TYR: variants seen among roughly 807,000 people sequenced by gnomAD.
The protein encoded by TYR is LB24-AB.
Under a neutral mutation model 51.5 loss-of-function variants are expected in TYR, and 58 were observed. The ratio of observed to expected loss-of-function variants is 1.13; its 90% confidence interval spans 0.91 to 1.40. TYR has a LOEUF of 1.40. Ranked by LOEUF, TYR falls within the 40% of genes most tolerant of loss-of-function variation. The pLI is 0.00. For missense variants in TYR, 732 were observed against 647.4 expected, an observed-to-expected ratio of 1.13 and a Z score of -1.42; for synonymous variants, 263 against 235.2, an observed-to-expected ratio of 1.12 and a Z score of -1.08.
chr11:89,240,114 T>C (rs892413301), intron 3 of TYR, among the ~76,000 whole-genome samples: 8 of 152,090 alleles, frequency 5.3e-5, no homozygotes, highest in Admixed American at 5.3e-4. Flanking sequence ...AGGGAGAGCA[T>C]CAGGATGAAT....
chr11:89,199,455 G>C (rs1399669799), intron 2 of TYR, among the ~76,000 whole-genome samples: 3 of 152,152 alleles, frequency 2.0e-5, no homozygotes, highest in Non-Finnish European at 4.4e-5. Context: ...CTTATGGCAA[G>C]TACTGTCTTA....
chr11:89,277,265 T>C (rs1944666414), intron 3 of TYR, among the ~76,000 whole-genome samples: 1 of 151,730 alleles, frequency 6.6e-6, no homozygotes, highest in Non-Finnish European at 1.5e-5. Flanking sequence ...AAAAAAAATT[T>C]AGGAATGCAC....
intron 4 of TYR, among the ~76,000 whole-genome samples, chr11:89,288,114 A>G (rs2135326727): frequency 6.6e-6 from 1 of 152,022 alleles, no homozygotes; most frequent in South Asian, 2.1e-4. Flanking sequence ...GGCAAGGTGA[A>G]TGTCTCTTGA....
At chr11:89,209,016 G>A (rs1269495613) in intron 2 of TYR, among the ~76,000 whole-genome samples, 1 of 152,150 alleles carries the variant, frequency 6.6e-6, no homozygotes, top group African/African-American at 2.4e-5. Context: ...ATCTCCCAGG[G>A]AGATCAATGC....
chr11:89,292,011 C>T (rs1330575577), intron 4 of TYR, among the ~76,000 whole-genome samples: 1 of 151,836 alleles, frequency 6.6e-6, no homozygotes, highest in Non-Finnish European at 1.5e-5. Context: ...GTTTGTTTTC[C>T]TGCATTACTT....
intron 1 of TYR, among the ~76,000 whole-genome samples, chr11:89,187,503 T>C (rs566292321): frequency 1.3e-5 from 2 of 152,132 alleles, no homozygotes; most frequent in Non-Finnish European, 1.5e-5. Flanking sequence ...AACAAACTCA[T>C]TGGCCAAGAG....
chr11:89,217,665 G>T (rs77739878), intron 2 of TYR, among the ~76,000 whole-genome samples: 1 of 152,140 alleles, frequency 6.6e-6, no homozygotes, highest in Non-Finnish European at 1.5e-5. Context: ...GAGTCTCTTC[G>T]TTGTTTTATT....
intron 1 of TYR, among the ~76,000 whole-genome samples, chr11:89,180,596 A>T (rs1030607849): frequency 6.6e-6 from 1 of 152,198 alleles, no homozygotes; most frequent in African/African-American, 2.4e-5. Flanking sequence ...CTGAACTGAA[A>T]TTGATACAAT....
In TYR at chr11:89,194,233, T is replaced by A. The variant is rs566629291; in HGVS notation, c.1036+2815T>A. On this transcript the variant is annotated intron_variant, in intron 2 of 4. Coordinates refer to ENST00000263321, the MANE Select transcript of TYR (RefSeq NM_000372.5). ...CTCTGGAGGATATAGTTCCTCCTCT[T>A]CCTCCTCATTTTTTTAATAGAACAT... is the stretch of plus-strand genomic sequence containing the variant. 5.9e-5 allele frequency among the ~76,000 whole-genome samples: 9 copies of A among 152,256 alleles called. No homozygotes were observed. The South Asian group carries it at 1.9e-3, about 32-fold the overall frequency.
rs146215858 is a variant in TYR, at chr11:89,200,687, T to A, written c.1036+9269T>A. ...TACTAAGTGGAATGAGATTACTTTA[T>A]ATTTTTTAAAAACACACTACATCTG... is the stretch of plus-strand genomic sequence containing the variant. On this transcript the variant is annotated intron_variant, in intron 2 of 4. Transcript: ENST00000263321. The A allele has an allele frequency of 2.4e-3, 371 of 152,270 alleles. 3 individuals are homozygous for A. Among genetic ancestry groups the A allele is most frequent in the African/African-American group, 8.4e-3 (349 of 41,580 alleles). The allele number at this position is 152,270 out of a possible 1,614,324, so 9.4% of individuals were successfully genotyped here.
At chr11:89,253,717 GC>G (rs1944356918) in intron 3 of TYR, among the ~76,000 whole-genome samples, 1 of 151,704 alleles carries the variant, frequency 6.6e-6, no homozygotes, top group Admixed American at 6.6e-5. Flanking sequence ...AATTCTAGGA[GC>G]TTTTTGGAAG....
In TYR at chr11:89,262,112, G is replaced by T. The variant is rs528167072; in HGVS notation, c.1185-22661G>T. ...TCACTCTTGTTGTCCAGGCTGGAGT[G>T]CAACGGCACCATCTCAGCTTATTGC... On this transcript the variant is annotated intron_variant, in intron 3 of 4. Coordinates refer to ENST00000263321, the MANE Select transcript of TYR (RefSeq NM_000372.5). Among the ~76,000 whole-genome samples, 98 of 152,106 alleles carry T rather than the reference G, an allele frequency of 6.4e-4. 2 individuals are homozygous for T. The highest frequency in any genetic ancestry group is 2.3e-3 in the African/African-American group (96 of 41,516).
chr11:89,225,997 A>C (rs1488185344), intron 2 of TYR, among the ~76,000 whole-genome samples: 1 of 152,048 alleles, frequency 6.6e-6, no homozygotes, highest in Non-Finnish European at 1.5e-5. Flanking sequence ...ATACCAATGA[A>C]AAATATAAAA....
intron 4 of TYR, among the ~76,000 whole-genome samples, chr11:89,290,573 AT>A (rs1399187147): frequency 6.6e-6 from 1 of 152,090 alleles, no homozygotes. Flanking sequence ...ATTTTAATAT[AT>A]ATTAAAAACA....
At chr11:89,260,894 G>A (rs1275454806) in intron 3 of TYR, among the ~76,000 whole-genome samples, 2 of 151,810 alleles carry the variant, frequency 1.3e-5, no homozygotes, top group East Asian at 1.9e-4. Context: ...GGAGGTGAGT[G>A]GTGAAGTGAG....
Position 89,191,264 on chromosome 11 carries a change from G to A in TYR, c.882G>A (p.Glu294=). 1 of 1,613,580 alleles carries A rather than the reference G, an allele frequency of 6.2e-7. No homozygotes were observed. Among genetic ancestry groups the A allele is most frequent in the Non-Finnish European group, 8.5e-7 (1 of 1,179,760 alleles). Reference sequence around the variant, plus strand: ...AGTCTTTATGCAATGGAACGCCCGAGGGACCTTTACGGCGTAATCCTGGAA... The same window carrying A: ...AGTCTTTATGCAATGGAACGCCCGAAGGACCTTTACGGCGTAATCCTGGAA... ...SHQSLCNGTP[E]GPLRRNPGNH... The change falls in exon 2 of 5, where the codon GAG becomes GAA. Residue 294 remains glutamate, a synonymous_variant. Transcript: ENST00000263321.
intron 3 of TYR, among the ~76,000 whole-genome samples, chr11:89,246,072 G>C (rs1017334426): frequency 1.4e-4 from 22 of 152,234 alleles, no homozygotes; most frequent in African/African-American, 5.3e-4. Flanking sequence ...CTCCGATGTG[G>C]CTGGGGCTCA....
At chr11:89,189,391 G>A (rs145186571) in intron 1 of TYR, among the ~76,000 whole-genome samples, 50 of 151,850 alleles carry the variant, frequency 3.3e-4, no homozygotes, top group African/African-American at 1.2e-3. Context: ...CTAGCTAAAG[G>A]ATCAGAGAAA....
At chr11:89,218,557 G>C (rs905949981) in intron 2 of TYR, among the ~76,000 whole-genome samples, 1 of 151,996 alleles carries the variant, frequency 6.6e-6, no homozygotes, top group South Asian at 2.1e-4. Context: ...AAAGTACAAA[G>C]AAGAAAAGGA....
Sources: gnomAD v4.1 joint callset for allele counts (sites outside exome capture counted in the v4.1 genomes callset) on GRCh38, gnomAD v4.1.1 for gene constraint, MANE v1.5 for transcripts, NCBI Gene and HGNC (gene_info 2026-07-23, HGNC 2026-07-21) for gene names.